FMN2: variants seen among roughly 807,000 people sequenced by gnomAD.
FMN2 encodes formin 2.
FMN2 carries 51 observed loss-of-function variants against 142.3 expected under a neutral mutation model. That is an observed-to-expected ratio of 0.36 (90% CI 0.29 to 0.45). The LOEUF (loss-of-function observed/expected upper bound fraction) is 0.45. FMN2 is among the 20% of genes least tolerant of loss of function. FMN2 has a pLI of 1.00. For synonymous variants in FMN2, 882 were observed against 869.8 expected, an observed-to-expected ratio of 1.01 and a Z score of -0.25; for missense variants, 1,936 against 2,122.8, an observed-to-expected ratio of 0.91 and a Z score of 1.73.
intron 4 of FMN2, among the ~76,000 whole-genome samples, chr1:240,203,067 G>A (rs1421067280): frequency 3.9e-5 from 6 of 152,138 alleles, no homozygotes; most frequent in African/African-American, 1.4e-4. Flanking sequence ...AAAATGATCT[G>A]TGCATTTTAC....
intron 3 of FMN2, among the ~76,000 whole-genome samples, chr1:240,185,759 G>A (rs560726614): frequency 2.6e-5 from 4 of 152,298 alleles, no homozygotes; most frequent in African/African-American, 7.2e-5. Flanking sequence ...CTTGTGGCAC[G>A]ATCTAAATAG....
intron 2 of FMN2, among the ~76,000 whole-genome samples, chr1:240,165,036 T>G (rs1397213041): frequency 6.6e-6 from 1 of 152,230 alleles, no homozygotes; most frequent in Non-Finnish European, 1.5e-5. Flanking sequence ...TTTTTATCCT[T>G]CTTTGAATGC....
At chr1:240,288,122 T>G (rs544678156) in intron 7 of FMN2, among the ~76,000 whole-genome samples, 1 of 152,294 alleles carries the variant, frequency 6.6e-6, no homozygotes, top group South Asian at 2.1e-4. Context: ...CCTTTCAGCA[T>G]TCGAGAAAGA....
At chr1:240,222,612 T>A (rs1196703450) in intron 6 of FMN2, among the ~76,000 whole-genome samples, 3 of 152,186 alleles carry the variant, frequency 2.0e-5, no homozygotes, top group Non-Finnish European at 2.9e-5. Context: ...TATTGATTCT[T>A]CCTATCCATG....
At chr1:240,282,647 G>A (rs1444907848) in intron 7 of FMN2, among the ~76,000 whole-genome samples, 1 of 152,184 alleles carries the variant, frequency 6.6e-6, no homozygotes, top group African/African-American at 2.4e-5. Context: ...AGATGCCCAC[G>A]TTTGTGTGCA....
chr1:240,242,091 T>C (rs555335393), intron 6 of FMN2, among the ~76,000 whole-genome samples: 3 of 152,244 alleles, frequency 2.0e-5, no homozygotes, highest in African/African-American at 7.2e-5. Flanking sequence ...GTGATCCGCC[T>C]GCCTCGGCCT....
intron 16 of FMN2, 112 bp downstream of exon 16, chr1:240,438,322 C>G: frequency 8.5e-7 from 1 of 1,177,884 alleles, no homozygotes; most frequent in Non-Finnish European, 1.2e-6. Context: ...GGCCCTCAAC[C>G]CGGGGTAGCA....
chr1:240,410,805 T>G (rs1674362804), intron 15 of FMN2, among the ~76,000 whole-genome samples: 2 of 152,202 alleles, frequency 1.3e-5, no homozygotes, highest in Admixed American at 1.3e-4. Context: ...TTCATTTTTA[T>G]TTCTCTCAAA....
At chr1:240,417,979 A>G (rs1173931037) in intron 15 of FMN2, among the ~76,000 whole-genome samples, 1 of 152,100 alleles carries the variant, frequency 6.6e-6, no homozygotes, top group South Asian at 2.1e-4. Flanking sequence ...TGTCATTAAT[A>G]CACTTCACCT....
intron 2 of FMN2, chr1:240,170,399 G>T (rs1213088013): frequency 1.6e-6 from 2 of 1,214,342 alleles, no homozygotes; most frequent in Non-Finnish European, 1.2e-6. Flanking sequence ...GGAAGTGTTG[G>T]TGAGGGAGTT....
At chr1:240,199,934 A>G (rs749966439) in intron 4 of FMN2, among the ~76,000 whole-genome samples, 7 of 152,214 alleles carry the variant, frequency 4.6e-5, no homozygotes, top group Non-Finnish European at 8.8e-5. Flanking sequence ...AAAAGCCATT[A>G]GCTTTCCGTA....
rs531228908 is a variant in FMN2 at position 240,277,378 on chromosome 1, C to T, written c.4154-17444C>T. On this transcript the variant is annotated intron_variant, in intron 7 of 17. Coordinates refer to ENST00000319653, the MANE Select transcript of FMN2 (RefSeq NM_020066.5). ...CGTTTAAGACCAGCAGGTCTAAACT[C>T]TCCCGGACTCTAGGACTGCCATGTT... 7.4e-5 allele frequency among the ~76,000 whole-genome samples: 11 copies of T among 149,144 alleles called. No homozygotes were observed. The East Asian group carries it at 2.2e-3, about 29-fold the overall frequency.
intron 2 of FMN2, among the ~76,000 whole-genome samples, chr1:240,141,213 GA>G (rs1418274002): frequency 6.6e-6 from 1 of 152,080 alleles, no homozygotes; most frequent in African/African-American, 2.4e-5. Flanking sequence ...AGAGATCTTT[GA>G]AAAAGATGTC....
At chr1:240,120,712 G>T (rs1416617516) in intron 1 of FMN2, among the ~76,000 whole-genome samples, 1 of 152,202 alleles carries the variant, frequency 6.6e-6, no homozygotes, top group African/African-American at 2.4e-5. Context: ...GATTACTGAA[G>T]ACTTTTCTGG....
At chr1:240,467,484 T>G (rs1186210351) in intron 16 of FMN2, among the ~76,000 whole-genome samples, 1 of 152,080 alleles carries the variant, frequency 6.6e-6, no homozygotes, top group Non-Finnish European at 1.5e-5. Flanking sequence ...GCCAGGCTGG[T>G]CTCAAACTCC....
intron 11 of FMN2, among the ~76,000 whole-genome samples, chr1:240,331,519 A>T (rs1470532231): frequency 6.6e-6 from 1 of 152,212 alleles, no homozygotes; most frequent in African/African-American, 2.4e-5. Flanking sequence ...CATGTTTTTG[A>T]AATATTAAGT....
At chr1:240,308,375 A>T (rs1354673379) in intron 8 of FMN2, among the ~76,000 whole-genome samples, 1 of 152,218 alleles carries the variant, frequency 6.6e-6, no homozygotes, top group Non-Finnish European at 1.5e-5. Context: ...AAGTTAACAC[A>T]CAGTTTTGGC....
rs1297923754 is a variant in FMN2 at position 240,092,015 on chromosome 1, C to T, written c.-95C>T. 1.4e-6 allele frequency: 2 copies of T among 1,432,808 alleles called. No individual in the cohort carries two copies. The highest frequency in any genetic ancestry group is 1.8e-6 in the Non-Finnish European group (2 of 1,103,954). 88.8% of individuals were successfully genotyped at this position (1,432,808 alleles called of 1,614,324 possible). On this transcript the variant is annotated 5_prime_UTR_variant, in exon 1 of 18. Transcript: ENST00000319653. ...CGGCTCCCCCCGCCGCCGCCTGACTCTCCCGGGAGACTCCCTAGGCCCGGA... is the reference window on the plus strand; with the variant it reads ...CGGCTCCCCCCGCCGCCGCCTGACTTTCCCGGGAGACTCCCTAGGCCCGGA...
At chr1:240,271,817 A>G (rs1388008666) in intron 7 of FMN2, among the ~76,000 whole-genome samples, 1 of 152,154 alleles carries the variant, frequency 6.6e-6, no homozygotes, top group Non-Finnish European at 1.5e-5. Flanking sequence ...AGCTTTTTAT[A>G]AAAAGAAATA....
Sources: allele counts gnomAD v4.1 joint callset (sites outside exome capture counted in the v4.1 genomes callset), GRCh38; gene constraint gnomAD v4.1.1; transcripts MANE v1.5; gene names NCBI Gene and HGNC (gene_info 2026-07-23, HGNC 2026-07-21).